Variants in GABRB2 observed in about 807,000 individuals in gnomAD.
GABRB2 encodes the protein gamma-aminobutyric acid type A receptor subunit beta2.
Under a neutral mutation model 54.7 loss-of-function variants are expected in GABRB2, and 16 were observed. That is an observed-to-expected ratio of 0.29 (90% CI 0.20 to 0.44). GABRB2 has a LOEUF of 0.44. GABRB2 is among the 20% of genes least tolerant of loss of function. The pLI, the probability that GABRB2 is intolerant of heterozygous loss-of-function variation, is 1.00. For synonymous variants in GABRB2, 244 were observed against 233.8 expected (o/e 1.04, Z -0.40); for missense variants, 355 against 644.0 (o/e 0.55, Z 4.86).
chr5:161,442,474 T>C (rs1757496931), intron 4 of GABRB2, among the ~76,000 whole-genome samples: 1 of 152,198 alleles, frequency 6.6e-6, no homozygotes, highest in African/African-American at 2.4e-5. Context: ...GAAAACTTAA[T>C]GGAAACCAAA....
intron 3 of GABRB2, among the ~76,000 whole-genome samples, chr5:161,460,459 A>C (rs932383160): frequency 1.3e-5 from 2 of 152,252 alleles, no homozygotes; most frequent in African/African-American, 4.8e-5. Context: ...AATTTATGAA[A>C]TATTTCCGAG....
intron 4 of GABRB2, among the ~76,000 whole-genome samples, chr5:161,434,090 T>C (rs1283798286): frequency 6.6e-6 from 1 of 152,162 alleles, no homozygotes; most frequent in Admixed American, 6.6e-5. Context: ...TTTCTAAATA[T>C]TAAAATAATG....
chr5:161,357,069 T>C (rs1226308465), intron 5 of GABRB2, among the ~76,000 whole-genome samples: 2 of 152,090 alleles, frequency 1.3e-5, no homozygotes, highest in Non-Finnish European at 2.9e-5. Context: ...GAGTAACAAA[T>C]AGGTGAATTA....
intron 4 of GABRB2, among the ~76,000 whole-genome samples, chr5:161,427,115 T>C (rs1757022135): frequency 6.6e-6 from 1 of 152,220 alleles, no homozygotes; most frequent in Non-Finnish European, 1.5e-5. Flanking sequence ...AAGGGCTTCA[T>C]ATTTCAGTGA....
intron 4 of GABRB2, among the ~76,000 whole-genome samples, chr5:161,442,766 CT>C (rs550396469): frequency 3.3e-5 from 5 of 150,056 alleles, no homozygotes; most frequent in Non-Finnish European, 5.9e-5. Flanking sequence ...CTCTCTCTTT[CT>C]TTTTTTTTGA....
chr5:161,510,391 A>G (rs1013723999), intron 3 of GABRB2, among the ~76,000 whole-genome samples: 1 of 151,916 alleles, frequency 6.6e-6, no homozygotes, highest in Non-Finnish European at 1.5e-5. Flanking sequence ...TACTTAACAT[A>G]ATAATCTCCA....
chr5:161,503,369 G>C (rs942728196), intron 3 of GABRB2, among the ~76,000 whole-genome samples: 3 of 151,924 alleles, frequency 2.0e-5, no homozygotes, highest in African/African-American at 7.3e-5. Flanking sequence ...ATAAAAAAGA[G>C]GAACAAAAGA....
chr5:161,475,030 TGGAGAGAG>T (rs1758554831), intron 3 of GABRB2, among the ~76,000 whole-genome samples: 1 of 151,904 alleles, frequency 6.6e-6, no homozygotes, highest in Non-Finnish European at 1.5e-5. Context: ...ACACACCAGC[TGGAGAGAG>T]GGAGAGGGTG....
chr5:161,304,763 G>A (rs752370539), intron 9 of GABRB2, among the ~76,000 whole-genome samples: 1 of 151,592 alleles, frequency 6.6e-6, no homozygotes, highest in Non-Finnish European at 1.5e-5. Flanking sequence ...CAGTACATTC[G>A]AATTGTTACA....
intron 5 of GABRB2, among the ~76,000 whole-genome samples, chr5:161,353,029 C>A (rs1754519489): frequency 6.6e-6 from 1 of 151,914 alleles, no homozygotes. Context: ...GTTCTAAGAA[C>A]TATAGAAAAT....
chr5:161,541,160 T>C (rs988854854), intron 3 of GABRB2, among the ~76,000 whole-genome samples: 24 of 149,394 alleles, frequency 1.6e-4, no homozygotes, highest in Non-Finnish European at 1.2e-4. Flanking sequence ...AGTAAGTCAG[T>C]AAGAATCTTT....
chr5:161,488,994 G>A (rs1439239748), intron 3 of GABRB2, among the ~76,000 whole-genome samples: 4 of 151,742 alleles, frequency 2.6e-5, no homozygotes, highest in African/African-American at 9.7e-5. Context: ...TGTTATTAGA[G>A]ATGAGAGATG....
intron 9 of GABRB2, among the ~76,000 whole-genome samples, chr5:161,302,551 T>C (rs1400724035): frequency 6.6e-6 from 1 of 152,162 alleles, no homozygotes; most frequent in Non-Finnish European, 1.5e-5. Context: ...CTATCTGAAA[T>C]CCAAGTTCAC....
intron 5 of GABRB2, among the ~76,000 whole-genome samples, chr5:161,405,341 G>T (rs1342272708): frequency 2.0e-5 from 3 of 151,966 alleles, no homozygotes; most frequent in Non-Finnish European, 4.4e-5. Context: ...GCAGTAATTT[G>T]ATAATGATAA....
intron 5 of GABRB2, among the ~76,000 whole-genome samples, chr5:161,371,136 A>G (rs1043515113): frequency 9.2e-5 from 14 of 152,240 alleles, no homozygotes; most frequent in African/African-American, 2.6e-4. Flanking sequence ...ACAAGAATCA[A>G]TCTCCAGAAT....
intron 5 of GABRB2, among the ~76,000 whole-genome samples, chr5:161,401,051 G>A (rs940944157): frequency 3.3e-5 from 5 of 152,224 alleles, no homozygotes; most frequent in Non-Finnish European, 7.4e-5. Flanking sequence ...ACTGATTCAC[G>A]GGAAAGTCTT....
At chr5:161,372,554 G>T (rs60749082) in intron 5 of GABRB2, among the ~76,000 whole-genome samples, 1,581 of 152,166 alleles carry the variant, frequency 0.01, 34 homozygotes, top group South Asian at 0.052. Flanking sequence ...ATCCACTGAG[G>T]TATGTCTCCC....
chr5:161,407,418 T>A lies in GABRB2; in HGVS notation c.541+3557A>T, dbSNP rs752626694. On this transcript the variant is annotated intron_variant, in intron 5 of 9. Coordinates refer to ENST00000393959, the MANE Select transcript of GABRB2 (RefSeq NM_001371727.1). ...TCCTGACAATGTGATTAAAACTTAT[T>A]TTTTTTTAAAGAGAGAAATCTTTGA... 5.9e-5 allele frequency among the ~76,000 whole-genome samples: 9 copies of A among 152,004 alleles called. No homozygotes were observed. The South Asian group carries it at 1.5e-3, about 25-fold the overall frequency.
intron 3 of GABRB2, among the ~76,000 whole-genome samples, chr5:161,543,405 C>T (rs1283930574): frequency 6.6e-6 from 1 of 152,124 alleles, no homozygotes; most frequent in African/African-American, 2.4e-5. Context: ...ATTAGCTAAC[C>T]TACTGCAGCA....
Sources: allele counts gnomAD v4.1 joint callset (sites outside exome capture counted in the v4.1 genomes callset), GRCh38; gene constraint gnomAD v4.1.1; transcripts MANE v1.5; gene names NCBI Gene and HGNC (gene_info 2026-07-23, HGNC 2026-07-21).